Variants in PCDHGB6 observed in about 807,000 individuals in gnomAD.
The protein encoded by PCDHGB6 is protocadherin gamma-B6.
PCDHGB6 carries 51 observed loss-of-function variants against 59.1 expected under a neutral mutation model. That is an observed-to-expected ratio of 0.86 (90% CI 0.69 to 1.09). The LOEUF (loss-of-function observed/expected upper bound fraction) is 1.09. PCDHGB6 is among the 50% of genes least tolerant of loss of function. The pLI, the probability that PCDHGB6 is intolerant of heterozygous loss-of-function variation, is 0.00. For synonymous variants in PCDHGB6, 466 were observed against 495.1 expected (o/e 0.94, Z 0.78); for missense variants, 1,148 against 1,205.1 (o/e 0.95, Z 0.70).
chr5:141,443,254 G>A (rs185181143), intron 1 of PCDHGB6, among the ~76,000 whole-genome samples: 30 of 152,006 alleles, frequency 2.0e-4, no homozygotes, highest in Admixed American at 1.6e-3. Context: ...GCCAAGGCGG[G>A]TGGATCACTT....
At chr5:141,461,273 C>A (rs1301916233) in intron 1 of PCDHGB6, among the ~76,000 whole-genome samples, 1 of 152,128 alleles carries the variant, frequency 6.6e-6, no homozygotes, top group Admixed American at 6.6e-5. Flanking sequence ...TAAGTGTTCT[C>A]TTTTCCCCAC....
At chr5:141,461,302 T>A (rs1009664719) in intron 1 of PCDHGB6, among the ~76,000 whole-genome samples, 3 of 152,142 alleles carry the variant, frequency 2.0e-5, no homozygotes. Flanking sequence ...CAACATCTAT[T>A]GTTTTTTGAC....
chr5:141,476,597 G>C lies in PCDHGB6; in HGVS notation c.2419-18210G>C, dbSNP rs2099394582. On this transcript the variant is annotated intron_variant, in intron 1 of 3. Coordinates refer to ENST00000520790, the MANE Select transcript of PCDHGB6 (RefSeq NM_018926.3). The surrounding 1 kb of genome is among the most constrained non-coding windows in gnomAD (Gnocchi z 7.6). ...GCGCTTTCCGCTCGAGAGCGCGCAC[G>C]ATCCCGATGTGGGAAGCAACTCTTT... The C allele has an allele frequency of 1.2e-6, 2 of 1,614,112 alleles. No individual in the cohort carries two copies. The highest frequency in any genetic ancestry group is 1.7e-6 in the Non-Finnish European group (2 of 1,180,046).
intron 1 of PCDHGB6, chr5:141,478,871 T>C: frequency 2.4e-6 from 3 of 1,274,796 alleles, no homozygotes; most frequent in Non-Finnish European, 3.1e-6. Flanking sequence ...GCGATCAGAG[T>C]TTAGCTTGGT....
Position 141,489,119 on chromosome 5 carries a change from C to T in PCDHGB6, c.2419-5688C>T, listed in dbSNP as rs1236074950. The T allele has an allele frequency of 2.0e-5, 13 of 650,240 alleles. No individual in the cohort carries two copies. Among genetic ancestry groups the T allele is most frequent in the African/African-American group, 9.1e-5 (5 of 55,178 alleles). 40.3% of individuals were successfully genotyped at this position (650,240 alleles called of 1,614,324 possible). ...GAACTGCTGCAAGCAGGCAAACCTC[C>T]GAGCAGTTTTTAAGAGGCTGGAAGG... On this transcript the variant is annotated intron_variant, in intron 1 of 3. Coordinates refer to ENST00000520790, the MANE Select transcript of PCDHGB6 (RefSeq NM_018926.3). This position sits in a 1 kb window ranked among gnomAD's most constrained non-coding sequence, Gnocchi z 4.5.
intron 1 of PCDHGB6, among the ~76,000 whole-genome samples, chr5:141,458,445 T>G (rs180720013): frequency 6.6e-6 from 1 of 151,738 alleles, no homozygotes; most frequent in East Asian, 1.9e-4. Flanking sequence ...TCCCCCACAT[T>G]AACAATTTTT....
rs1449032006 is a variant in PCDHGB6 at position 141,438,617 on chromosome 5, TATATATATATATATATATAC to T, written c.2418+27999_2418+28018del. 2.9e-3 allele frequency among the ~76,000 whole-genome samples: 107 copies of T among 37,156 alleles called. 1 individual carries two copies. Among genetic ancestry groups the T allele is most frequent in the South Asian group, 0.015 (15 of 996 alleles). 24.4% of individuals were successfully genotyped at this position (37,156 alleles called of 152,430 possible). On this transcript the variant is annotated intron_variant, in intron 1 of 3. Transcript: ENST00000520790. Reference sequence around the variant, plus strand: ...ATATATATATATATATATATATATATATATATATATATATATATACACACACACACACACATATATGTATA... The same window carrying T: ...ATATATATATATATATATATATATATACACACACACACACATATATGTATA...
chr5:141,428,251 T>G, intron 1 of PCDHGB6: 2 of 893,496 alleles, frequency 2.2e-6, no homozygotes, highest in Non-Finnish European at 3.6e-6. Context: ...ACTGCCAGAC[T>G]TCAGTGACAG....
At chr5:141,497,820 G>A (rs1595489288) in intron 2 of PCDHGB6, among the ~76,000 whole-genome samples, 1 of 152,226 alleles carries the variant, frequency 6.6e-6, no homozygotes, top group Admixed American at 6.5e-5. Flanking sequence ...AATTACAGGT[G>A]TGATCGCCCC....
intron 1 of PCDHGB6, chr5:141,415,772 T>TTC: frequency 7.5e-7 from 1 of 1,332,986 alleles, no homozygotes; most frequent in Non-Finnish European, 9.6e-7. Flanking sequence ...TTTTTTTTTT[T>TTC]ACTTTCTGGT....
rs146372628 is a variant in PCDHGB6, at chr5:141,476,246, G to A, written c.2419-18561G>A. On this transcript the variant is annotated intron_variant, in intron 1 of 3. Coordinates refer to ENST00000520790, the MANE Select transcript of PCDHGB6 (RefSeq NM_018926.3). The surrounding 1 kb of genome is among the most constrained non-coding windows in gnomAD (Gnocchi z 7.6). ...TGAGATCCCGGAGGAAAGAGAGAAG[G>A]GTTTCGCTGTGGGCAACGTGGTCGC... 1.0e-3 allele frequency: 1,689 copies of A among 1,613,996 alleles called. 1 individual carries two copies. Among genetic ancestry groups the A allele is most frequent in the Non-Finnish European group, 1.3e-3 (1,557 of 1,180,008 alleles).
Position 141,477,350 on chromosome 5 carries a change from A to G in PCDHGB6, c.2419-17457A>G. The G allele has an allele frequency of 6.2e-7, 1 of 1,614,142 alleles. No individual in the cohort carries two copies. Among genetic ancestry groups the G allele is most frequent in the Non-Finnish European group, 8.5e-7 (1 of 1,180,016 alleles). On this transcript the variant is annotated intron_variant, in intron 1 of 3. Transcript: ENST00000520790. The surrounding 1 kb of genome is among the most constrained non-coding windows in gnomAD (Gnocchi z 4.9). ...CAAGAATTACTTCACTTTGAAAACC[A>G]GTGCAGACCTGGATCGGGAGACTGT...
chr5:141,447,852 G>A (rs375081279), intron 1 of PCDHGB6, among the ~76,000 whole-genome samples: 2 of 152,144 alleles, frequency 1.3e-5, no homozygotes, highest in East Asian at 3.9e-4. Context: ...TTGGGAGGCC[G>A]AGGTGGGTGA....
intron 1 of PCDHGB6, among the ~76,000 whole-genome samples, chr5:141,481,820 C>T (rs2099545799): frequency 6.6e-6 from 1 of 150,726 alleles, no homozygotes; most frequent in Non-Finnish European, 1.5e-5. Context: ...GGCGTGGTGG[C>T]TGAGGCAGGA....
At chr5:141,462,648 C>T (rs2099044153) in intron 1 of PCDHGB6, among the ~76,000 whole-genome samples, 1 of 137,364 alleles carries the variant, frequency 7.3e-6, no homozygotes, top group Admixed American at 7.1e-5. Flanking sequence ...TCATTTCCAT[C>T]CTCAATTATC....
In PCDHGB6 at chr5:141,489,681, A is replaced by T; in HGVS notation, c.2419-5126A>T. ...AGATGCGCATCTCAGAATCAGCAGC[A>T]TCTGGGGCACGATTCCCACTGGACA... On this transcript the variant is annotated intron_variant, in intron 1 of 3. Transcript: ENST00000520790. This position sits in a 1 kb window ranked among gnomAD's most constrained non-coding sequence, Gnocchi z 4.5. 1 of 1,614,174 alleles carries T rather than the reference A, an allele frequency of 6.2e-7. No individual in the cohort carries two copies. The highest frequency in any genetic ancestry group is 8.5e-7 in the Non-Finnish European group (1 of 1,180,010).
At chr5:141,422,141 G>A (rs1441509284) in intron 1 of PCDHGB6, 9 of 1,583,068 alleles carry the variant, frequency 5.7e-6, no homozygotes, top group Middle Eastern at 1.7e-4. Context: ...GTTCAAGTAC[G>A]GGGGTCTCTG....
chr5:141,491,955 A>T lies in PCDHGB6; in HGVS notation c.2419-2852A>T. Reference sequence around the variant, plus strand: ...GGGACCGACCCCCACCCCTACACTCAAAAAAGGCCGGGGCCTCCTTCGAGC... The same window carrying T: ...GGGACCGACCCCCACCCCTACACTCTAAAAAGGCCGGGGCCTCCTTCGAGC... On this transcript the variant is annotated intron_variant, in intron 1 of 3. Coordinates refer to ENST00000520790, the MANE Select transcript of PCDHGB6 (RefSeq NM_018926.3). This position sits in a 1 kb window ranked among gnomAD's most constrained non-coding sequence, Gnocchi z 6.9. 9.7e-7 allele frequency: 1 copy of T among 1,029,648 alleles called. No homozygotes were observed. The highest frequency in any genetic ancestry group is 2.2e-5 in the South Asian group (1 of 44,530). The allele number at this position is 1,029,648 out of a possible 1,614,324, so 63.8% of individuals were successfully genotyped here. A position where few individuals can be genotyped will look rare whatever the true frequency, so the allele number is the denominator to read the frequency against.
rs115001531 is a variant in PCDHGB6, at chr5:141,495,385, G to A, written c.2477+520G>A. Among the ~76,000 whole-genome samples the A allele has an allele frequency of 2.2e-3, 339 of 152,328 alleles. 1 individual carries two copies. Among genetic ancestry groups the A allele is most frequent in the African/African-American group, 7.9e-3 (329 of 41,590 alleles). ...AGGTGGAACTGAGGAAGGACTGGGC[G>A]GGGCATGGAGCAGGCCCCCTTCTCC... On this transcript the variant is annotated intron_variant, in intron 2 of 3. Transcript: ENST00000520790.
Sources: allele counts gnomAD v4.1 joint callset (sites outside exome capture counted in the v4.1 genomes callset), GRCh38; gene constraint gnomAD v4.1.1; non-coding constraint Gnocchi (gnomAD v3.1); transcripts MANE v1.5; gene names NCBI Gene and HGNC (gene_info 2026-07-23, HGNC 2026-07-21).